The following TM9SF4 variants were observed in gnomAD, a reference collection of about 807,000 sequenced individuals.
TM9SF4 encodes the protein dinucleotide oxidase disulfide thiol exchanger 3 superfamily member 4.
Under a neutral mutation model 90.4 loss-of-function variants are expected in TM9SF4, and 26 were observed. That is an observed-to-expected ratio of 0.29 (90% confidence interval 0.21 to 0.40). The LOEUF is 0.40. Among genes scored for constraint, TM9SF4 ranks in the 10% least tolerant of loss-of-function variants. The probability of loss-of-function intolerance (pLI) is 1.00; values close to 1 mark genes in which losing one functional copy is unlikely to be tolerated. For synonymous variants in TM9SF4, 293 were observed against 315.4 expected (o/e 0.93, Z 0.75); for missense variants, 549 against 834.8 (o/e 0.66, Z 4.22).
rs549919959 is a variant in TM9SF4, at chr20:32,137,752, G to A, written c.229+1579G>A. ...TCATCATCATCATTAATACCTAGAGGGCTCATCCTATGAGCTGGGCACTGT... is the reference window on the plus strand; with the variant it reads ...TCATCATCATCATTAATACCTAGAGAGCTCATCCTATGAGCTGGGCACTGT... On this transcript the variant is annotated intron_variant, in intron 3 of 17. Coordinates refer to ENST00000398022, the MANE Select transcript of TM9SF4 (RefSeq NM_014742.4). Among the ~76,000 whole-genome samples the A allele has an allele frequency of 2.0e-5, 3 of 152,126 alleles. No homozygotes were observed. The South Asian group carries it at 6.2e-4, about 32-fold the overall frequency.
chr20:32,110,364 CTTCTCTCAGTCAACTCCCTG>C (rs2046125159), intron 1 of TM9SF4, among the ~76,000 whole-genome samples: 1 of 152,092 alleles, frequency 6.6e-6, no homozygotes, highest in African/African-American at 2.4e-5. Context: ...CCCTTCCTGT[CTTCTCTCAGTCAACTCCCTG>C]CCCCTCTCTT....
Position 32,123,877 on chromosome 20 carries a change from T to A in TM9SF4, c.16-9136T>A, listed in dbSNP as rs1367542052. Among the ~76,000 whole-genome samples, 4 of 113,936 alleles carry A rather than the reference T, an allele frequency of 3.5e-5. 1 individual carries two copies. The highest frequency in any genetic ancestry group is 7.4e-5 in the Non-Finnish European group (4 of 54,172). The allele number at this position is 113,936 out of a possible 152,430, so 74.7% of individuals were successfully genotyped here. A position where few individuals can be genotyped will look rare whatever the true frequency, so the allele number is the denominator to read the frequency against. On this transcript the variant is annotated intron_variant, in intron 1 of 17. Transcript: ENST00000398022. ...ATATATATATATATATTTTTTTTTT[T>A]AAAGAGATAGGGTCTCCCTCTGTCA... is the stretch of plus-strand genomic sequence containing the variant.
At chr20:32,132,255 T>A (rs1381597573) in intron 1 of TM9SF4, among the ~76,000 whole-genome samples, 1 of 151,950 alleles carries the variant, frequency 6.6e-6, no homozygotes, top group Non-Finnish European at 1.5e-5. Context: ...AATAGAAAAA[T>A]TAGCCAGGTG....
intron 1 of TM9SF4, 39 bp downstream of exon 1, chr20:32,109,794 G>A (rs1422198261): frequency 6.4e-7 from 1 of 1,551,324 alleles, no homozygotes; most frequent in Non-Finnish European, 8.7e-7. Flanking sequence ...GCTGGAGCGG[G>A]GCCCTCCGGG....
chr20:32,123,184 AGG>A (rs2046355754), intron 1 of TM9SF4, among the ~76,000 whole-genome samples: 2 of 1,638 alleles, frequency 1.2e-3, no homozygotes, highest in Admixed American at 0.019. Context: ...GGAGGGGGGG[AGG>A]GGGAGAGGGG....
At chr20:32,109,801 C>T (rs2046112874) in intron 1 of TM9SF4, 46 bp downstream of exon 1, 1 of 1,551,172 alleles carries the variant, frequency 6.4e-7, no homozygotes, top group African/African-American at 1.4e-5. Context: ...CGGGGCCCTC[C>T]GGGGTATCCC....
At chr20:32,111,798 G>A (rs34844947) in intron 1 of TM9SF4, among the ~76,000 whole-genome samples, 4,983 of 152,308 alleles carry the variant, frequency 0.033, 110 homozygotes, top group Non-Finnish European at 0.051. Context: ...GGCCGATGTG[G>A]AAGGGAGCTT....
rs1477147654 is a variant in TM9SF4, at chr20:32,165,504, G to C, written c.*60G>C. ...CGGACAGGAAGCCACCCTGCGTGGG[G>C]GACTGCAGGCACGCAAAATAAAATA... On this transcript the variant is annotated 3_prime_UTR_variant, in exon 18 of 18. Transcript: ENST00000398022. 1 of 1,584,166 alleles carries C rather than the reference G, an allele frequency of 6.3e-7. No individual in the cohort carries two copies. Among genetic ancestry groups the C allele is most frequent in the Non-Finnish European group, 8.7e-7 (1 of 1,155,676 alleles).
intron 15 of TM9SF4, 95 bp downstream of exon 15, chr20:32,158,609 C>A: frequency 7.9e-7 from 1 of 1,260,444 alleles, no homozygotes; most frequent in South Asian, 1.2e-5. Context: ...TGAGAAAGTT[C>A]AGATGGGCCA....
chr20:32,126,769 C>T (rs1362328396), intron 1 of TM9SF4, among the ~76,000 whole-genome samples: 2 of 149,842 alleles, frequency 1.3e-5, no homozygotes, highest in African/African-American at 2.5e-5. Context: ...AAGTCTCGCT[C>T]TTGTCCCCCA....
chr20:32,127,002 A>G (rs1451855347), intron 1 of TM9SF4, among the ~76,000 whole-genome samples: 7 of 152,094 alleles, frequency 4.6e-5, no homozygotes, highest in Non-Finnish European at 4.4e-5. Context: ...CCAAAGTGCT[A>G]GGATTACAGG....
intron 3 of TM9SF4, chr20:32,136,870 A>C (rs1357861683): frequency 1.5e-5 from 7 of 471,176 alleles, no homozygotes; most frequent in South Asian, 7.7e-5. Context: ...CTTTTCTTAC[A>C]CCTTAGGAAG....
intron 8 of TM9SF4, 23 bp from the exon 9 acceptor site, chr20:32,146,762 A>C: frequency 6.2e-7 from 1 of 1,613,498 alleles, no homozygotes; most frequent in Non-Finnish European, 8.5e-7. Flanking sequence ...ACTTCTCCTC[A>C]TCCTCACCGC....
intron 3 of TM9SF4, chr20:32,137,121 T>G: frequency 2.2e-6 from 1 of 447,498 alleles, no homozygotes; most frequent in Non-Finnish European, 4.5e-6. Flanking sequence ...GAACAGAGAT[T>G]GGCCTCAGAG....
chr20:32,129,124 A>G (rs1420144222), intron 1 of TM9SF4, among the ~76,000 whole-genome samples: 2 of 152,174 alleles, frequency 1.3e-5, no homozygotes, highest in Non-Finnish European at 2.9e-5. Context: ...AAGATAAAAA[A>G]AAAAAGGAAT....
chr20:32,128,299 A>C (rs2046452900), intron 1 of TM9SF4, among the ~76,000 whole-genome samples: 1 of 152,228 alleles, frequency 6.6e-6, no homozygotes, highest in Admixed American at 6.5e-5. Context: ...ATCATCTGGG[A>C]TAGACACTTC....
chr20:32,145,078 G>C lies in TM9SF4; in HGVS notation c.653-13G>C. On this transcript the variant is annotated splice_polypyrimidine_tract_variant and intron_variant, in intron 6 of 17. Transcript: ENST00000398022. ...GCCACCACAGGAACAGACTGAGTCT[G>C]TGTCTCTCTCAGACCTCAAAGCAGA... 3.1e-6 allele frequency: 5 copies of C among 1,613,110 alleles called. No homozygotes were observed. Among genetic ancestry groups the C allele is most frequent in the Non-Finnish European group, 4.2e-6 (5 of 1,179,044 alleles).
chr20:32,128,621 A>G (rs1175789839), intron 1 of TM9SF4, among the ~76,000 whole-genome samples: 1 of 152,052 alleles, frequency 6.6e-6, no homozygotes, highest in Admixed American at 6.6e-5. Flanking sequence ...ATTATTCCAC[A>G]CTGTGTGTCC....
chr20:32,120,734 A>G (rs1172631417), intron 1 of TM9SF4, among the ~76,000 whole-genome samples: 1 of 152,192 alleles, frequency 6.6e-6, no homozygotes, highest in Non-Finnish European at 1.5e-5. Flanking sequence ...TCTTAGGGGA[A>G]ATAATTCAGT....
Sources: allele counts gnomAD v4.1 joint callset (sites outside exome capture counted in the v4.1 genomes callset), GRCh38; gene constraint gnomAD v4.1.1; transcripts MANE v1.5; gene names NCBI Gene and HGNC (gene_info 2026-07-23, HGNC 2026-07-21).